Variants in RGS6 observed in about 807,000 individuals in gnomAD.
The protein encoded by RGS6 is regulator of G-protein signaling 6.
A neutral mutation model predicts 78.5 loss-of-function variants in RGS6; 30 were observed. The observed-to-expected ratio is 0.38, with a 90% CI of 0.29 to 0.52. The LOEUF is 0.52. Ranked by LOEUF, RGS6 falls within the 20% of genes least tolerant of loss-of-function variation. The probability of loss-of-function intolerance (pLI) is 0.85; values close to 1 mark genes in which losing one functional copy is unlikely to be tolerated. For synonymous variants in RGS6, 206 were observed against 206.0 expected (o/e 1.00, Z 0.00); for missense variants, 495 against 609.7 (o/e 0.81, Z 1.98).
At chr14:72,503,177 C>T (rs1384880546) in intron 13 of RGS6, among the ~76,000 whole-genome samples, 1 of 152,082 alleles carries the variant, frequency 6.6e-6, no homozygotes, top group East Asian at 1.9e-4. Context: ...TATAAGGACA[C>T]TAATCCCACT....
intron 2 of RGS6, among the ~76,000 whole-genome samples, chr14:71,991,896 G>A (rs1431719965): frequency 2.6e-5 from 4 of 152,186 alleles, no homozygotes; most frequent in African/African-American, 9.7e-5. Context: ...AAGTGCAGAA[G>A]CATTCACAGA....
intron 3 of RGS6, among the ~76,000 whole-genome samples, chr14:72,374,013 G>A (rs150771784): frequency 5.2e-4 from 79 of 151,974 alleles, no homozygotes; most frequent in African/African-American, 1.8e-3. Flanking sequence ...TTAATCATTT[G>A]ATATTTTTAA....
Position 72,101,009 on chromosome 14 carries a change from A to G in RGS6, c.84+136134A>G, listed in dbSNP as rs144661670. On this transcript the variant is annotated intron_variant, in intron 2 of 17. Coordinates refer to ENST00000553525, the MANE Select transcript of RGS6 (RefSeq NM_001204424.2). The stretch of plus-strand genomic sequence containing the variant: ...CCCTGTCTCTACCAAAAATACAAAC[A>G]TTAGCTGGGCTTAGTGGCATGCATC... Among the ~76,000 whole-genome samples the G allele has an allele frequency of 5.3e-4, 80 of 152,296 alleles. No individual in the cohort carries two copies. In the East Asian group the frequency reaches 0.014, roughly 26 times the overall value.
At chr14:72,319,632 C>T (rs930881004) in intron 2 of RGS6, among the ~76,000 whole-genome samples, 4 of 152,124 alleles carry the variant, frequency 2.6e-5, no homozygotes, top group Non-Finnish European at 4.4e-5. Flanking sequence ...TGAGCCACCG[C>T]ACCCGGCCTG....
the RGS6 span, among the ~76,000 whole-genome samples, chr14:71,913,793 C>CT: frequency 6.6e-6 from 1 of 152,236 alleles, no homozygotes; most frequent in African/African-American, 2.4e-5. Flanking sequence ...CCTAGAAGCA[C>CT]TTTCCTCCCT....
chr14:72,141,695 T>C (rs1394690732), intron 2 of RGS6, among the ~76,000 whole-genome samples: 1 of 152,166 alleles, frequency 6.6e-6, no homozygotes, highest in African/African-American at 2.4e-5. Context: ...TGGTGCACTC[T>C]TTAATAGCCC....
At chr14:71,944,184 T>C (rs1219559523) in intron 1 of RGS6, among the ~76,000 whole-genome samples, 1 of 152,218 alleles carries the variant, frequency 6.6e-6, no homozygotes, top group Non-Finnish European at 1.5e-5. Context: ...AAAAACTTGC[T>C]CAGCCTACAA....
chr14:72,145,105 A>C (rs1214766793), intron 2 of RGS6, among the ~76,000 whole-genome samples: 1 of 152,018 alleles, frequency 6.6e-6, no homozygotes, highest in African/African-American at 2.4e-5. Flanking sequence ...GTGTCAGCTG[A>C]TCCATGGAGT....
intron 2 of RGS6, among the ~76,000 whole-genome samples, chr14:72,160,373 G>C (rs1457454752): frequency 6.6e-6 from 1 of 152,152 alleles, no homozygotes; most frequent in Admixed American, 6.5e-5. Context: ...CATAGGAGAG[G>C]ACTACTATTT....
At chr14:72,364,999 A>G (rs1354620924) in intron 3 of RGS6, among the ~76,000 whole-genome samples, 1 of 152,238 alleles carries the variant, frequency 6.6e-6, no homozygotes, top group Admixed American at 6.5e-5. Flanking sequence ...TACACTGTCA[A>G]GTTACCACAT....
chr14:72,274,726 C>A (rs1227234734), intron 2 of RGS6, among the ~76,000 whole-genome samples: 1 of 152,136 alleles, frequency 6.6e-6, no homozygotes. Context: ...GAGCCATGAA[C>A]CAAACAGTGT....
At chr14:72,182,831 G>T (rs986885761) in intron 2 of RGS6, among the ~76,000 whole-genome samples, 1 of 152,204 alleles carries the variant, frequency 6.6e-6, no homozygotes, top group Non-Finnish European at 1.5e-5. Context: ...CGATTTAGCA[G>T]AACTTTACAA....
At chr14:71,986,746 T>G (rs561036545) in intron 2 of RGS6, among the ~76,000 whole-genome samples, 1 of 151,984 alleles carries the variant, frequency 6.6e-6, no homozygotes, top group African/African-American at 2.4e-5. Context: ...ACAAATGCAT[T>G]TTCTTATAAT....
intron 3 of RGS6, among the ~76,000 whole-genome samples, chr14:72,445,780 T>C (rs1401174973): frequency 6.6e-6 from 1 of 152,236 alleles, no homozygotes; most frequent in African/African-American, 2.4e-5. Flanking sequence ...CCTGCTCTCT[T>C]GGAGCTACAG....
At chr14:72,131,701 G>C (rs1364292461) in intron 2 of RGS6, among the ~76,000 whole-genome samples, 1 of 152,138 alleles carries the variant, frequency 6.6e-6, no homozygotes, top group Non-Finnish European at 1.5e-5. Context: ...ATAATTCAAG[G>C]GGCAGTTTTG....
chr14:72,290,352 G>A (rs1431264934), intron 2 of RGS6, among the ~76,000 whole-genome samples: 1 of 152,196 alleles, frequency 6.6e-6, no homozygotes, highest in Non-Finnish European at 1.5e-5. Context: ...TTTGCATTCT[G>A]CCCTCCCTCC....
intron 2 of RGS6, among the ~76,000 whole-genome samples, chr14:72,292,135 G>A (rs374596409): frequency 3.7e-4 from 57 of 152,284 alleles, no homozygotes; most frequent in African/African-American, 6.0e-4. Flanking sequence ...ACTGACAGCC[G>A]CAGAGCCTGC....
At chr14:71,993,867 A>G (rs1054801070) in intron 2 of RGS6, among the ~76,000 whole-genome samples, 6 of 151,944 alleles carry the variant, frequency 3.9e-5, no homozygotes, top group Non-Finnish European at 8.8e-5. Context: ...AGCTGCCCCA[A>G]TATATTCTAA....
At chr14:72,329,091 C>A (rs1438606496) in intron 2 of RGS6, among the ~76,000 whole-genome samples, 1 of 152,196 alleles carries the variant, frequency 6.6e-6, no homozygotes, top group African/African-American at 2.4e-5. Context: ...TCAGGCTGGT[C>A]TCAAACTCTT....
Sources: allele counts gnomAD v4.1 joint callset (sites outside exome capture counted in the v4.1 genomes callset), GRCh38; gene constraint gnomAD v4.1.1; transcripts MANE v1.5; gene names NCBI Gene and HGNC (gene_info 2026-07-23, HGNC 2026-07-21).